Variants in FRMPD1 observed in about 807,000 individuals in gnomAD.
FRMPD1 encodes FERM and PDZ domain-containing protein 1.
A neutral mutation model predicts 117.8 loss-of-function variants in FRMPD1; 76 were observed. That is an observed-to-expected ratio of 0.65 (90% CI 0.54 to 0.78). FRMPD1 has a LOEUF of 0.78. Among genes scored for constraint, FRMPD1 ranks in the 30% least tolerant of loss-of-function variants. The pLI is 0.00. For missense variants in FRMPD1, 1,786 were observed against 1,964.5 expected (o/e 0.91, Z 1.72); for synonymous variants, 783 against 770.4 (o/e 1.02, Z -0.27).
rs200632259 is a variant in FRMPD1, at chr9:37,708,453, A to G, written c.314A>G (p.Asn105Ser). ...GGTGATCAGATCCTCCAAATGAACA[A>G]TGAGCCTGCTGAAGACCTTTCCTGG... ...FPGDQILQMN[N>S]EPAEDLSWER... The change falls in exon 4 of 16, where the codon AAT becomes AGT. Residue 105 changes from asparagine (N) to serine (S), a missense_variant. Transcript: ENST00000377765. The G allele has an allele frequency of 4.3e-6, 7 of 1,613,578 alleles. No homozygotes were observed. In the Admixed American group the frequency reaches 1.2e-4, roughly 27 times the overall value.
In FRMPD1 at chr9:37,740,315, A is replaced by C. The variant is rs369057741; in HGVS notation, c.1787A>C (p.Glu596Ala). Reference sequence around the variant, plus strand: ...GAGGCGTCCGACTCAGCCAACACTGAGAGCCGCGGCTACAGGACCAGTGGC... The same window carrying C: ...GAGGCGTCCGACTCAGCCAACACTGCGAGCCGCGGCTACAGGACCAGTGGC... ...ESEASDSANT[E>A]SRGYRTSGSS... The change falls in exon 15 of 16, where the codon GAG (glutamate) becomes GCG (alanine). Residue 596 changes from glutamate (E) to alanine (A), a missense_variant. Transcript: ENST00000377765. The surrounding 1 kb of genome is among the most constrained non-coding windows in gnomAD (Gnocchi z 4.2). 6 of 1,613,852 alleles carry C rather than the reference A, an allele frequency of 3.7e-6. No individual in the cohort carries two copies. The highest frequency in any genetic ancestry group is 1.1e-5 in the South Asian group (1 of 91,076).
At chr9:37,697,957 A>C (rs1362555320) in intron 2 of FRMPD1, among the ~76,000 whole-genome samples, 1 of 152,226 alleles carries the variant, frequency 6.6e-6, no homozygotes, top group Non-Finnish European at 1.5e-5. Flanking sequence ...TCTACTAAAA[A>C]TACGAAAATT....
the FRMPD1 span, among the ~76,000 whole-genome samples, chr9:37,624,650 A>T: frequency 6.6e-6 from 1 of 152,340 alleles, no homozygotes; most frequent in East Asian, 1.9e-4. Context: ...CTGCTATGAC[A>T]ACTCTCTATG....
chr9:37,711,631 T>G (rs912830307), intron 5 of FRMPD1, among the ~76,000 whole-genome samples: 1 of 152,180 alleles, frequency 6.6e-6, no homozygotes, highest in Non-Finnish European at 1.5e-5. Flanking sequence ...GCTGAGGAGA[T>G]GGACCTATGG....
At chr9:37,702,157 T>C (rs1822556795) in intron 2 of FRMPD1, among the ~76,000 whole-genome samples, 1 of 152,244 alleles carries the variant, frequency 6.6e-6, no homozygotes, top group African/African-American at 2.4e-5. Flanking sequence ...GTTACTTATA[T>C]TCAAATTGCT....
intron 2 of FRMPD1, among the ~76,000 whole-genome samples, chr9:37,707,035 G>C (rs1822731559): frequency 6.6e-6 from 1 of 152,038 alleles, no homozygotes; most frequent in Non-Finnish European, 1.5e-5. Flanking sequence ...CCAGGATCTG[G>C]GCTGTATAGG....
chr9:37,654,313 C>T (rs1156937738), intron 1 of FRMPD1, among the ~76,000 whole-genome samples: 1 of 152,162 alleles, frequency 6.6e-6, no homozygotes, highest in Non-Finnish European at 1.5e-5. Flanking sequence ...GCAGGCCTAT[C>T]TGAGCCAGTG....
chr9:37,678,251 C>CTTTTTTTTTTTTTTTTTTTT (rs34040451), intron 1 of FRMPD1, among the ~76,000 whole-genome samples: 4 of 79,822 alleles, frequency 5.0e-5, no homozygotes, highest in Non-Finnish European at 6.9e-5. Context: ...GTACTTACCA[C>CTTTTTTTTTTTTTTTTTTTT]TTTTTTTTTT....
the FRMPD1 span, among the ~76,000 whole-genome samples, chr9:37,630,375 CTTATTTATTTAT>C: frequency 6.6e-6 from 1 of 151,508 alleles, no homozygotes; most frequent in East Asian, 1.9e-4. Context: ...TTCTTTTTTG[CTTATTTATTTAT>C]TTATTTATTT....
chr9:37,690,551 C>T (rs143140889), intron 1 of FRMPD1, among the ~76,000 whole-genome samples: 2 of 152,110 alleles, frequency 1.3e-5, no homozygotes, highest in African/African-American at 2.4e-5. Context: ...TATGATGGGT[C>T]TGGCTCATTG....
chr9:37,703,758 G>T (rs566351564), intron 2 of FRMPD1, among the ~76,000 whole-genome samples: 141 of 152,240 alleles, frequency 9.3e-4, no homozygotes, highest in African/African-American at 3.3e-3. Flanking sequence ...AGATTAGTCT[G>T]TTCTAGATAT....
chr9:37,707,323 G>C (rs569658377), intron 2 of FRMPD1, 93 bp from the exon 3 acceptor site: 4 of 998,974 alleles, frequency 4.0e-6, no homozygotes, highest in Non-Finnish European at 6.0e-6. Context: ...GCTCAGTTCT[G>C]CATCTTTCTC....
At chr9:37,635,885 GGGA>G in the FRMPD1 span, among the ~76,000 whole-genome samples, 1 of 152,220 alleles carries the variant, frequency 6.6e-6, no homozygotes, top group African/African-American at 2.4e-5. Context: ...CTCGGGGAAA[GGGA>G]GGAGGTGTTA....
intron 4 of FRMPD1, among the ~76,000 whole-genome samples, chr9:37,710,529 T>A (rs1048252088): frequency 2.0e-4 from 31 of 152,200 alleles, no homozygotes; most frequent in African/African-American, 7.2e-4. Context: ...ACACCGACTT[T>A]GTGTGCCCAA....
In FRMPD1 at chr9:37,746,667, C is replaced by A. The variant is rs751756788; in HGVS notation, c.4635C>A (p.Gly1545=). 9 of 1,614,086 alleles carry A rather than the reference C, an allele frequency of 5.6e-6. No individual in the cohort carries two copies. In the South Asian group the frequency reaches 8.8e-5, roughly 16 times the overall value. Residue 1545 remains glycine, a synonymous_variant, in exon 16 of 16, where the codon GGC becomes GGA. Coordinates refer to ENST00000377765, the MANE Select transcript of FRMPD1 (RefSeq NM_014907.3). The part of the protein sequence containing the change: ...IEAAKSTCER[G]YHDLSVKLLA... ...CTGCTAAATCGACCTGCGAGAGAGG[C>A]TACCACGACCTGAGTGTGAAACTCC...
At chr9:37,677,955 T>C (rs948234747) in intron 1 of FRMPD1, among the ~76,000 whole-genome samples, 1 of 152,194 alleles carries the variant, frequency 6.6e-6, no homozygotes, top group African/African-American at 2.4e-5. Flanking sequence ...CCACAGCCCC[T>C]GTACTTGGCA....
At position 37,745,828 on chromosome 9, in the gene FRMPD1, G is replaced by C; in HGVS notation, c.3796G>C (p.Asp1266His). ...AGAACCACTACCATGTCCACAAGAGGATCCTCACTTAGAAACTTCAAACCA... is the reference window on the plus strand; with the variant it reads ...AGAACCACTACCATGTCCACAAGAGCATCCTCACTTAGAAACTTCAAACCA... Reference protein sequence around the residue: ...LPEPLPCPQEDPHLETSNHCL... With the variant: ...LPEPLPCPQEHPHLETSNHCL... The change falls in exon 16 of 16, where the codon GAT (aspartate) becomes CAT (histidine). Residue 1266 changes from aspartate to histidine, a missense_variant. Physicochemically the swap from Asp to His is moderately conservative, Grantham distance 81. Transcript: ENST00000377765. 1 of 1,614,134 alleles carries C rather than the reference G, an allele frequency of 6.2e-7. No individual in the cohort carries two copies.
chr9:37,707,405 T>C lies in FRMPD1; in HGVS notation c.102-11T>C. On this transcript the variant is annotated splice_polypyrimidine_tract_variant and intron_variant, in intron 2 of 15. Transcript: ENST00000377765. ...TCTCTTTCTCTTTTTTACATACTCCTTCTCTTCCAGGGCTAAAGTTGCTGC... is the reference window on the plus strand; with the variant it reads ...TCTCTTTCTCTTTTTTACATACTCCCTCTCTTCCAGGGCTAAAGTTGCTGC... 6.2e-7 allele frequency: 1 copy of C among 1,612,584 alleles called. No homozygotes were observed. Among genetic ancestry groups the C allele is most frequent in the African/African-American group, 1.3e-5 (1 of 74,962 alleles).
the FRMPD1 span, chr9:37,637,017 G>A: frequency 1.3e-6 from 2 of 1,555,320 alleles, no homozygotes; most frequent in South Asian, 1.1e-5. Flanking sequence ...TAGGATTCCT[G>A]GTCAGTGACG....
Sources: allele counts gnomAD v4.1 joint callset (sites outside exome capture counted in the v4.1 genomes callset), GRCh38; gene constraint gnomAD v4.1.1; non-coding constraint Gnocchi (gnomAD v3.1); transcripts MANE v1.5; gene names NCBI Gene and HGNC (gene_info 2026-07-23, HGNC 2026-07-21).